PPP6R2: variants seen among roughly 807,000 people sequenced by gnomAD.
PPP6R2 encodes the protein serine/threonine-protein phosphatase 6 regulatory subunit 2.
A neutral mutation model predicts 100.2 loss-of-function variants in PPP6R2; 62 were observed. That is an observed-to-expected ratio of 0.62 (90% confidence interval 0.50 to 0.76). PPP6R2 has a LOEUF of 0.76. Among genes scored for constraint, PPP6R2 ranks in the 30% least tolerant of loss-of-function variants. The pLI, the probability that PPP6R2 is intolerant of heterozygous loss-of-function variation, is 0.00. For missense variants in PPP6R2, 1,142 were observed against 1,276.3 expected (o/e 0.89, Z 1.60); for synonymous variants, 525 against 514.7 (o/e 1.02, Z -0.27).
chr22:50,440,404 T>G (rs762897369), intron 21 of PPP6R2, among the ~76,000 whole-genome samples: 1 of 152,214 alleles, frequency 6.6e-6, no homozygotes, highest in Non-Finnish European at 1.5e-5. Flanking sequence ...TCAGAGCCCC[T>G]GGCCCCCAGC....
chr22:50,427,518 A>G (rs950845614), intron 10 of PPP6R2, among the ~76,000 whole-genome samples: 1 of 152,188 alleles, frequency 6.6e-6, no homozygotes, highest in Non-Finnish European at 1.5e-5. Flanking sequence ...TTAAGTCTTC[A>G]ATCCATGAAC....
intron 2 of PPP6R2, among the ~76,000 whole-genome samples, chr22:50,374,204 C>T (rs2050934175): frequency 6.6e-6 from 1 of 152,048 alleles, no homozygotes; most frequent in African/African-American, 2.4e-5. Context: ...TCTGTGAGCA[C>T]TCTGATGCGT....
chr22:50,416,688 C>T (rs1469329938), intron 6 of PPP6R2, among the ~76,000 whole-genome samples: 2 of 151,692 alleles, frequency 1.3e-5, no homozygotes, highest in African/African-American at 2.4e-5. Flanking sequence ...ATAGGACAGG[C>T]GCGGTGGCTC....
chr22:50,410,315 C>T (rs117080795), intron 4 of PPP6R2, among the ~76,000 whole-genome samples: 3,318 of 152,142 alleles, frequency 0.022, 49 homozygotes, highest in Middle Eastern at 0.037. Context: ...GCACGCTGCC[C>T]GGGGCTCCTT....
At position 50,419,020 on chromosome 22, in the gene PPP6R2, C is replaced by G. The variant is rs1484508747; in HGVS notation, c.731+41C>G. The G allele has an allele frequency of 3.3e-6, 5 of 1,498,602 alleles. No individual in the cohort carries two copies. In the African/African-American group the frequency reaches 4.1e-5, roughly 12 times the overall value. The allele number at this position is 1,498,602 out of a possible 1,614,324, so 92.8% of individuals were successfully genotyped here. On this transcript the variant is annotated intron_variant, in intron 7 of 23. Coordinates refer to ENST00000612753, the MANE Select transcript of PPP6R2 (RefSeq NM_001242898.2). ...CCGTGGTGCTGGTGGGCCTCCCTTT[C>G]TGGGTCATGGGGACGTCTGTGAGCC...
At chr22:50,364,813 G>C (rs1341269015) in intron 1 of PPP6R2, among the ~76,000 whole-genome samples, 1 of 152,126 alleles carries the variant, frequency 6.6e-6, no homozygotes, top group Non-Finnish European at 1.5e-5. Flanking sequence ...GATGAGGAAA[G>C]AGTGCCAAAG....
At position 50,427,995 on chromosome 22, in the gene PPP6R2, T is replaced by C. The variant is rs142543775; in HGVS notation, c.1126-3178T>C. 4.4e-3 allele frequency among the ~76,000 whole-genome samples: 664 copies of C among 152,218 alleles called. 2 individuals are homozygous for C. The highest frequency in any genetic ancestry group is 0.012 in the African/African-American group (501 of 41,564). Reference sequence around the variant, plus strand: ...TTGGCCTCCCAAAGTGCTGGGATTATAGGCGTGAGCCACCACGCCCAGCCA... The same window carrying C: ...TTGGCCTCCCAAAGTGCTGGGATTACAGGCGTGAGCCACCACGCCCAGCCA... On this transcript the variant is annotated intron_variant, in intron 10 of 23. Coordinates refer to ENST00000612753, the MANE Select transcript of PPP6R2 (RefSeq NM_001242898.2).
At chr22:50,410,816 A>G (rs146895216) in intron 4 of PPP6R2, among the ~76,000 whole-genome samples, 2 of 149,204 alleles carry the variant, frequency 1.3e-5, no homozygotes, top group East Asian at 2.1e-4. Context: ...GTTTGAGACA[A>G]AGTCTCCCTT....
intron 1 of PPP6R2, among the ~76,000 whole-genome samples, chr22:50,359,514 G>A (rs2047366529): frequency 6.8e-6 from 1 of 147,000 alleles, no homozygotes; most frequent in Non-Finnish European, 1.5e-5. Flanking sequence ...ACCATGCCCG[G>A]CCTGTGGAGT....
chr22:50,379,822 G>A lies in PPP6R2; in HGVS notation c.-17+7672G>A, dbSNP rs138983500. Among the ~76,000 whole-genome samples the A allele has an allele frequency of 5.2e-4, 79 of 152,076 alleles. 1 individual carries two copies. In the East Asian group the frequency reaches 0.01, roughly 20 times the overall value. The stretch of plus-strand genomic sequence containing the variant: ...GTGAGCCTTGGAAGTTGACATTGCC[G>A]TGATCACACCACCATACTCCAGCCT... On this transcript the variant is annotated intron_variant, in intron 2 of 23. Coordinates refer to ENST00000612753, the MANE Select transcript of PPP6R2 (RefSeq NM_001242898.2).
At chr22:50,424,422 G>A (rs563341860) in intron 10 of PPP6R2, among the ~76,000 whole-genome samples, 24 of 73,350 alleles carry the variant, frequency 3.3e-4, no homozygotes, top group African/African-American at 9.8e-4. Context: ...AGGTCCGTCC[G>A]CGTGTGGAAG....
intron 3 of PPP6R2, among the ~76,000 whole-genome samples, chr22:50,402,510 G>C (rs951188952): frequency 2.0e-5 from 3 of 152,062 alleles, no homozygotes; most frequent in Non-Finnish European, 2.9e-5. Context: ...AGGCCTCTCT[G>C]GAGTTCTGTG....
upstream of PPP6R2, among the ~76,000 whole-genome samples, chr22:50,338,594 G>C: frequency 7.0e-6 from 1 of 143,350 alleles, no homozygotes; most frequent in East Asian, 2.2e-4. Context: ...TGTTTGTGGT[G>C]TGTGGTGTGT....
chr22:50,415,205 G>A (rs2147511832), intron 5 of PPP6R2, among the ~76,000 whole-genome samples: 1 of 152,330 alleles, frequency 6.6e-6, no homozygotes, highest in Non-Finnish European at 1.5e-5. Context: ...GATAAGCCCA[G>A]GAAATCCGTG....
Position 50,432,339 on chromosome 22 carries a change from G to C in PPP6R2, c.1400+10G>C. The C allele has an allele frequency of 6.5e-7, 1 of 1,548,236 alleles. No homozygotes were observed. Among genetic ancestry groups the C allele is most frequent in the Non-Finnish European group, 8.7e-7 (1 of 1,146,300 alleles). On this transcript the variant is annotated intron_variant, in intron 12 of 23. Coordinates refer to ENST00000612753, the MANE Select transcript of PPP6R2 (RefSeq NM_001242898.2). ...CCAACGACCACACGCAGTAAGAGCCGCTCGGACGTGGAGGGACCCAGCCTG... is the reference window on the plus strand; with the variant it reads ...CCAACGACCACACGCAGTAAGAGCCCCTCGGACGTGGAGGGACCCAGCCTG...
intron 3 of PPP6R2, among the ~76,000 whole-genome samples, chr22:50,401,237 T>C (rs2057967566): frequency 6.6e-6 from 1 of 152,102 alleles, no homozygotes. Flanking sequence ...AGATGGAGTC[T>C]GGCTCTGTCG....
At chr22:50,358,547 T>C (rs1344272344) in intron 1 of PPP6R2, among the ~76,000 whole-genome samples, 2 of 152,224 alleles carry the variant, frequency 1.3e-5, no homozygotes, top group African/African-American at 4.8e-5. Context: ...AGTATAAAAT[T>C]TGATAAGTTT....
chr22:50,393,947 T>G lies in PPP6R2; in HGVS notation c.39T>G (p.Val13=). Residue 13 remains valine, a synonymous_variant, in exon 3 of 24, where the codon GTT becomes GTG. Transcript: ENST00000612753. ...WKFDLNTTSH[V]DKLLDKEHVT... ...TTGACTTGAACACCACGTCCCATGTTGACAAGCTGCTGGACAAGGAGCATG... is the reference window on the plus strand; with the variant it reads ...TTGACTTGAACACCACGTCCCATGTGGACAAGCTGCTGGACAAGGAGCATG... 6.2e-7 allele frequency: 1 copy of G among 1,614,196 alleles called. No homozygotes were observed. Among genetic ancestry groups the G allele is most frequent in the Non-Finnish European group, 8.5e-7 (1 of 1,180,030 alleles).
chr22:50,420,523 T>C (rs1404773041), intron 8 of PPP6R2, among the ~76,000 whole-genome samples: 1 of 152,182 alleles, frequency 6.6e-6, no homozygotes, highest in African/African-American at 2.4e-5. Flanking sequence ...TGACCCCCAG[T>C]AGAAATTTCA....
Sources: gnomAD v4.1 joint callset for allele counts (sites outside exome capture counted in the v4.1 genomes callset) on GRCh38, gnomAD v4.1.1 for gene constraint, MANE v1.5 for transcripts, NCBI Gene and HGNC (gene_info 2026-07-23, HGNC 2026-07-21) for gene names.